The following CPLX1 variants were observed in gnomAD, a reference collection of about 807,000 sequenced individuals.
CPLX1 encodes the protein complexin 1.
Under a neutral mutation model 15.6 loss-of-function variants are expected in CPLX1, and 6 were observed. The observed-to-expected ratio is 0.39, with a 90% CI of 0.21 to 0.76. The LOEUF (loss-of-function observed/expected upper bound fraction) is 0.76. Ranked by LOEUF, CPLX1 falls within the 30% of genes least tolerant of loss-of-function variation. The pLI is 0.43. For missense variants in CPLX1, 242 were observed against 188.6 expected (o/e 1.28, Z -1.66); for synonymous variants, 91 against 75.2 (o/e 1.21, Z -1.08).
chr4:787,014 C>G (rs1577466185), intron 3 of CPLX1: 1 of 985,400 alleles, frequency 1.0e-6, no homozygotes, highest in East Asian at 1.1e-4. Context: ...CCCCTGGCAT[C>G]CTGCCTTCCA....
At chr4:818,953 C>T (rs916039716) in intron 2 of CPLX1, among the ~76,000 whole-genome samples, 2 of 152,210 alleles carry the variant, frequency 1.3e-5, no homozygotes, top group Non-Finnish European at 2.9e-5. Flanking sequence ...GTGTCCCCCT[C>T]GTCTGATCTC....
Position 786,715 on chromosome 4 carries a change from G to A in CPLX1, c.208-17C>T. 6.3e-7 allele frequency: 1 copy of A among 1,578,362 alleles called. No homozygotes were observed. Among genetic ancestry groups the A allele is most frequent in the Non-Finnish European group, 8.6e-7 (1 of 1,161,160 alleles). On this transcript the variant is annotated splice_polypyrimidine_tract_variant and intron_variant, in intron 3 of 3. Transcript: ENST00000304062. ...GATGCCGTACTGCGGGGGAGGCGGG[G>A]GTCAGGGCGGGGGTCCCGGCGGCTC...
At chr4:812,356 C>T (rs577998545) in intron 2 of CPLX1, among the ~76,000 whole-genome samples, 1 of 152,286 alleles carries the variant, frequency 6.6e-6, no homozygotes, top group Non-Finnish European at 1.5e-5. Flanking sequence ...GGATTACAGG[C>T]AGGAGCCACC....
chr4:795,651 G>C (rs1049038840), intron 2 of CPLX1, among the ~76,000 whole-genome samples: 1 of 152,196 alleles, frequency 6.6e-6, no homozygotes, highest in Admixed American at 6.5e-5. Flanking sequence ...GAGGCGGTGG[G>C]GGGGCGCACC....
intron 2 of CPLX1, among the ~76,000 whole-genome samples, chr4:820,620 A>G (rs1746842662): frequency 6.6e-6 from 1 of 152,162 alleles, no homozygotes; most frequent in African/African-American, 2.4e-5. Flanking sequence ...ATCCCCGTGG[A>G]GGGCTGGGGG....
chr4:809,711 AGTGGACAC>A (rs1172982065), intron 2 of CPLX1, among the ~76,000 whole-genome samples: 1 of 152,242 alleles, frequency 6.6e-6, no homozygotes, highest in Admixed American at 6.5e-5. Context: ...CAATCAAGAC[AGTGGACAC>A]GTCCAGCCCT....
intron 2 of CPLX1, among the ~76,000 whole-genome samples, chr4:795,326 G>A (rs1316462394): frequency 6.6e-6 from 1 of 152,220 alleles, no homozygotes. Context: ...CCCGAGCACT[G>A]CTGCGACCCC....
intron 2 of CPLX1, among the ~76,000 whole-genome samples, chr4:818,846 G>C (rs181556343): frequency 6.6e-6 from 1 of 152,238 alleles, no homozygotes; most frequent in Admixed American, 6.5e-5. Context: ...AGCAGTGCCC[G>C]CGGCCAAGGA....
In CPLX1 at chr4:786,337, C is replaced by T. The variant is rs1200347429; in HGVS notation, c.*164G>A. 2 of 635,318 alleles carry T rather than the reference C, an allele frequency of 3.1e-6. No homozygotes were observed. The highest frequency in any genetic ancestry group is 3.4e-5 in the East Asian group (1 of 29,244). 39.4% of individuals were successfully genotyped at this position (635,318 alleles called of 1,614,324 possible). A position where few individuals can be genotyped will look rare whatever the true frequency, so the allele number is the denominator to read the frequency against. On this transcript the variant is annotated 3_prime_UTR_variant, in exon 4 of 4. Coordinates refer to ENST00000304062, the MANE Select transcript of CPLX1 (RefSeq NM_006651.4). ...GGACTGGGGGGGTCCTGGGGGCGCG[C>T]GCCCCTTGCCGGGTGAGGGAGGCGG...
Position 786,128 on chromosome 4 carries a change from G to C in CPLX1, c.*373C>G, listed in dbSNP as rs1352575736. On this transcript the variant is annotated 3_prime_UTR_variant, in exon 4 of 4. Coordinates refer to ENST00000304062, the MANE Select transcript of CPLX1 (RefSeq NM_006651.4). ...CGCCCGCAGCCCCCCGTCTGCTATG[G>C]CTGTGCTCCTGAGTGCGGGCCCGAC... 1.2e-5 allele frequency: 2 copies of C among 162,164 alleles called. No individual in the cohort carries two copies. Among genetic ancestry groups the C allele is most frequent in the African/African-American group, 4.8e-5 (2 of 41,942 alleles). The allele number at this position is 162,164 out of a possible 1,614,324, so 10.0% of individuals were successfully genotyped here.
rs141203052 is a variant in CPLX1 at position 796,384 on chromosome 4, C to T, written c.32-3776G>A. On this transcript the variant is annotated intron_variant, in intron 2 of 3. Transcript: ENST00000304062. ...CTTTTCCAGATCCGCCTCCCGGGTT[C>T]ACGCAATTCCCTTGCCTCCGCCTCC... Among the ~76,000 whole-genome samples the T allele has an allele frequency of 4.1e-3, 627 of 152,284 alleles. 2 individuals are homozygous for T. The highest frequency in any genetic ancestry group is 0.014 in the African/African-American group (598 of 41,540).
At chr4:824,877 G>A (rs1746946954) in intron 1 of CPLX1, 1 of 463,514 alleles carries the variant, frequency 2.2e-6, no homozygotes, top group Non-Finnish European at 4.1e-6. Flanking sequence ...GGCGCCTGGC[G>A]CCAGGCTGCG....
chr4:810,098 G>A (rs1434215547), intron 2 of CPLX1, among the ~76,000 whole-genome samples: 1 of 142,274 alleles, frequency 7.0e-6, no homozygotes, highest in African/African-American at 2.7e-5. Context: ...TGCCCAGGCT[G>A]GAGTGCAGTG....
intron 2 of CPLX1, chr4:804,838 G>T (rs182330151): frequency 1.0e-6 from 1 of 983,358 alleles, no homozygotes; most frequent in African/African-American, 1.8e-5. Context: ...AGCGTGGGGA[G>T]CGACGTGCTC....
chr4:816,311 C>T (rs1399923940), intron 2 of CPLX1, among the ~76,000 whole-genome samples: 8 of 151,292 alleles, frequency 5.3e-5, no homozygotes, highest in Non-Finnish European at 1.0e-4. Flanking sequence ...TTCCGCCTCC[C>T]GGGTTCAAGC....
intron 3 of CPLX1, among the ~76,000 whole-genome samples, chr4:790,413 C>T (rs901779856): frequency 3.9e-5 from 6 of 152,176 alleles, no homozygotes; most frequent in Non-Finnish European, 5.9e-5. Flanking sequence ...AGCTCTGGGC[C>T]CCACATGGAA....
At chr4:804,551 A>G (rs995422145) in intron 2 of CPLX1, among the ~76,000 whole-genome samples, 1 of 152,230 alleles carries the variant, frequency 6.6e-6, no homozygotes, top group Admixed American at 6.5e-5. Flanking sequence ...AAGACATGCC[A>G]GATTCTTGGT....
In CPLX1 at chr4:802,898, C is replaced by T. The variant is rs144868623; in HGVS notation, c.32-10290G>A. 7.6e-4 allele frequency among the ~76,000 whole-genome samples: 116 copies of T among 151,644 alleles called. 2 individuals carry two copies. Among genetic ancestry groups the T allele is most frequent in the African/African-American group, 2.7e-3 (112 of 41,262 alleles). On this transcript the variant is annotated intron_variant, in intron 2 of 3. Coordinates refer to ENST00000304062, the MANE Select transcript of CPLX1 (RefSeq NM_006651.4). Reference sequence around the variant, plus strand: ...CTCGGGAGGCAGATGTTGCGGTGAGCCGAGACTGCGCCACTGTACTCCAGC... The same window carrying T: ...CTCGGGAGGCAGATGTTGCGGTGAGTCGAGACTGCGCCACTGTACTCCAGC...
At chr4:801,678 A>G (rs1465257750) in intron 2 of CPLX1, among the ~76,000 whole-genome samples, 1 of 152,250 alleles carries the variant, frequency 6.6e-6, no homozygotes, top group Admixed American at 6.5e-5. Context: ...CTGGGTGTGC[A>G]ACAGTGCACT....
Sources: allele counts gnomAD v4.1 joint callset (sites outside exome capture counted in the v4.1 genomes callset), GRCh38; gene constraint gnomAD v4.1.1; transcripts MANE v1.5; gene names NCBI Gene and HGNC (gene_info 2026-07-23, HGNC 2026-07-21).